The following CSMD2 variants were observed in gnomAD, a reference collection of about 807,000 sequenced individuals.
CSMD2 encodes the protein CUB and Sushi multiple domains 2, also known as CUB and sushi domain-containing protein 2.
In CSMD2, 130 loss-of-function variants were observed where a neutral mutation model predicts 398.5. The observed-to-expected ratio is 0.33, with a 90% CI of 0.28 to 0.38. The LOEUF is 0.38. Among genes scored for constraint, CSMD2 ranks in the 10% least tolerant of loss-of-function variants. The pLI, the probability that CSMD2 is intolerant of heterozygous loss-of-function variation, is 1.00. For missense variants in CSMD2, 3,829 were observed against 4,764.9 expected, an observed-to-expected ratio of 0.80 and a Z score of 5.78; for synonymous variants, 1,828 against 1,908.5, an observed-to-expected ratio of 0.96 and a Z score of 1.10.
intron 24 of CSMD2, among the ~76,000 whole-genome samples, chr1:33,694,045 G>A (rs1645331889): frequency 6.6e-6 from 1 of 151,978 alleles, no homozygotes; most frequent in Admixed American, 6.6e-5. Flanking sequence ...GGCAACAAAT[G>A]CGAAACTCCA....
intron 10 of CSMD2, among the ~76,000 whole-genome samples, chr1:33,810,329 G>C (rs796823447): frequency 6.6e-6 from 1 of 152,190 alleles, no homozygotes; most frequent in Non-Finnish European, 1.5e-5. Context: ...ACATTTATAT[G>C]AAGTTCAAAC....
rs184758959 is a variant in CSMD2, at chr1:33,555,847, G to C, written c.8743+1887C>G. ...TGTGACTTATTTTATTGCGATTTTT[G>C]CTTTATTGCAGTAGTCTGGGACTGG... On this transcript the variant is annotated intron_variant, in intron 55 of 70. Transcript: ENST00000373381. 7.2e-4 allele frequency among the ~76,000 whole-genome samples: 110 copies of C among 152,226 alleles called. 1 individual carries two copies. The highest frequency in any genetic ancestry group is 2.4e-3 in the African/African-American group (100 of 41,546).
At chr1:34,077,314 G>A (rs1361038741) in intron 2 of CSMD2, among the ~76,000 whole-genome samples, 13 of 150,212 alleles carry the variant, frequency 8.7e-5, no homozygotes, top group Non-Finnish European at 1.3e-4. Context: ...AAAATTAGCC[G>A]GGCGCGGTGG....
intron 2 of CSMD2, among the ~76,000 whole-genome samples, chr1:34,046,047 T>C (rs1652484996): frequency 6.6e-6 from 1 of 152,244 alleles, no homozygotes; most frequent in Admixed American, 6.5e-5. Flanking sequence ...GCACTTAATA[T>C]CTGCTGGACA....
At chr1:33,973,765 C>G (rs1645857517) in intron 3 of CSMD2, among the ~76,000 whole-genome samples, 1 of 152,198 alleles carries the variant, frequency 6.6e-6, no homozygotes, top group Non-Finnish European at 1.5e-5. Flanking sequence ...TGAGCAGGGA[C>G]AGGCTCTCTA....
At chr1:33,767,194 G>T (rs1334388793) in intron 13 of CSMD2, among the ~76,000 whole-genome samples, 1 of 152,048 alleles carries the variant, frequency 6.6e-6, no homozygotes, top group African/African-American at 2.4e-5. Flanking sequence ...GCAGAATATG[G>T]GCTTTAAAAC....
chr1:34,061,076 A>G (rs1304631282), intron 2 of CSMD2, among the ~76,000 whole-genome samples: 3 of 152,056 alleles, frequency 2.0e-5, no homozygotes, highest in South Asian at 4.2e-4. Flanking sequence ...AGCTTGCTCC[A>G]CCCCAACCCT....
At chr1:33,759,386 C>T (rs1442896416) in intron 13 of CSMD2, among the ~76,000 whole-genome samples, 3 of 137,418 alleles carry the variant, frequency 2.2e-5, no homozygotes, top group South Asian at 4.6e-4. Flanking sequence ...AGTGCAGTGG[C>T]GCAATCTCTG....
intron 2 of CSMD2, among the ~76,000 whole-genome samples, chr1:34,065,014 C>T (rs377577865): frequency 9.2e-5 from 14 of 152,162 alleles, no homozygotes; most frequent in African/African-American, 3.4e-4. Flanking sequence ...CAAATTACCT[C>T]CCACCAGGTT....
intron 47 of CSMD2, among the ~76,000 whole-genome samples, chr1:33,583,350 T>A (rs1638860416): frequency 6.6e-6 from 1 of 152,224 alleles, no homozygotes; most frequent in African/African-American, 2.4e-5. Flanking sequence ...ACTCTTCACT[T>A]GGGAATACTG....
At chr1:33,625,456 C>G (rs1451638078) in intron 33 of CSMD2, among the ~76,000 whole-genome samples, 1 of 152,160 alleles carries the variant, frequency 6.6e-6, no homozygotes, top group Admixed American at 6.5e-5. Context: ...CGCTACAGCA[C>G]AGCTCCTGGA....
chr1:33,556,477 C>A (rs1187132442), intron 55 of CSMD2, among the ~76,000 whole-genome samples: 1 of 152,194 alleles, frequency 6.6e-6, no homozygotes, highest in African/African-American at 2.4e-5. Context: ...GCCTTAACTG[C>A]ATATCTATTA....
intron 13 of CSMD2, among the ~76,000 whole-genome samples, chr1:33,758,073 A>G (rs1649291650): frequency 6.6e-6 from 1 of 152,216 alleles, no homozygotes; most frequent in South Asian, 2.1e-4. Flanking sequence ...TCGTAGGGGC[A>G]CAAAAGACTC....
At chr1:33,790,281 AG>A (rs1295434537) in intron 11 of CSMD2, among the ~76,000 whole-genome samples, 1 of 152,168 alleles carries the variant, frequency 6.6e-6, no homozygotes, top group African/African-American at 2.4e-5. Context: ...TTTCTGTGAG[AG>A]TGTGTTTGAA....
In CSMD2 at chr1:33,533,912, G is replaced by T; in HGVS notation, c.9880-5C>A. ...GAAGAGGACTGTGCTTCCAACCTGCGGCAAGATACAAAGTCCCATCAGCCC... is the reference window on the plus strand; with the variant it reads ...GAAGAGGACTGTGCTTCCAACCTGCTGCAAGATACAAAGTCCCATCAGCCC... On this transcript the variant is annotated splice_region_variant and splice_polypyrimidine_tract_variant and intron_variant, in intron 62 of 70. Transcript: ENST00000373381. The surrounding 1 kb of genome is among the most constrained non-coding windows in gnomAD (Gnocchi z 4.2). 6.3e-7 allele frequency: 1 copy of T among 1,596,366 alleles called. No homozygotes were observed. Among genetic ancestry groups the T allele is most frequent in the South Asian group, 1.1e-5 (1 of 90,612 alleles).
intron 2 of CSMD2, among the ~76,000 whole-genome samples, chr1:34,080,974 G>GAA (rs869103745): frequency 7.1e-6 from 1 of 140,578 alleles, no homozygotes; most frequent in African/African-American, 2.6e-5. Context: ...AAGAAAGAAA[G>GAA]AAATGCACAG....
chr1:33,980,930 G>C (rs751949069), intron 3 of CSMD2, among the ~76,000 whole-genome samples: 3 of 152,198 alleles, frequency 2.0e-5, no homozygotes, highest in Non-Finnish European at 4.4e-5. Context: ...CAGGTAGTGG[G>C]AGGATACAAG....
chr1:34,123,528 G>GA (rs1249013603), intron 1 of CSMD2, among the ~76,000 whole-genome samples: 1 of 152,014 alleles, frequency 6.6e-6, no homozygotes, highest in East Asian at 1.9e-4. Context: ...TTAAAGGGGG[G>GA]GGGTTGTGGG....
chr1:33,752,219 A>G (rs1451874335), intron 13 of CSMD2, among the ~76,000 whole-genome samples: 2 of 152,214 alleles, frequency 1.3e-5, no homozygotes, highest in African/African-American at 4.8e-5. Context: ...TCCAAATCTC[A>G]GGTTGAAATG....
Sources: allele counts gnomAD v4.1 joint callset (sites outside exome capture counted in the v4.1 genomes callset), GRCh38; gene constraint gnomAD v4.1.1; non-coding constraint Gnocchi (gnomAD v3.1); transcripts MANE v1.5; gene names NCBI Gene and HGNC (gene_info 2026-07-23, HGNC 2026-07-21).